The following CAST variants were observed in gnomAD, a reference collection of about 807,000 sequenced individuals.
CAST encodes the protein calpastatin.
In CAST, 76 loss-of-function variants were observed where a neutral mutation model predicts 119.6. The ratio of observed to expected loss-of-function variants is 0.64; its 90% CI spans 0.53 to 0.77. CAST has a LOEUF of 0.77. Among genes scored for constraint, CAST ranks in the 30% least tolerant of loss-of-function variants. The probability of loss-of-function intolerance (pLI) is 0.00; values close to 1 mark genes in which losing one functional copy is unlikely to be tolerated. For missense variants in CAST, 953 were observed against 946.5 expected (o/e 1.01, Z -0.09); for synonymous variants, 319 against 331.6 (o/e 0.96, Z 0.41).
At chr5:96,666,936 T>G (rs1339803391) in intron 1 of CAST, among the ~76,000 whole-genome samples, 1 of 152,136 alleles carries the variant, frequency 6.6e-6, no homozygotes, top group Non-Finnish European at 1.5e-5. Context: ...TTTTCCCCCT[T>G]GAGGTATTTT....
At chr5:96,434,151 T>A in the CAST span, 1 of 152,296 alleles carries the variant, frequency 6.6e-6, no homozygotes, top group Non-Finnish European at 1.5e-5. Context: ...AAATGCACAA[T>A]GCCTCTTTGT....
chr5:96,099,962 C>G, the CAST span, among the ~76,000 whole-genome samples: 1 of 152,120 alleles, frequency 6.6e-6, no homozygotes, highest in Non-Finnish European at 1.5e-5. Context: ...TGGTCCTGGC[C>G]TGTTTTGGGT....
upstream of CAST, among the ~76,000 whole-genome samples, chr5:96,528,932 T>A (rs1346760864): frequency 6.6e-6 from 1 of 152,176 alleles, no homozygotes; most frequent in East Asian, 1.9e-4. Context: ...AAGAAGTGAG[T>A]GTTGGGAATT....
chr5:96,414,015 T>C, the CAST span, among the ~76,000 whole-genome samples: 1 of 144,714 alleles, frequency 6.9e-6, no homozygotes, highest in Middle Eastern at 3.8e-3. Context: ...GGCGGGTTCC[T>C]GTAGTCCTAG....
At chr5:96,060,056 G>A in the CAST span, among the ~76,000 whole-genome samples, 1 of 152,128 alleles carries the variant, frequency 6.6e-6, no homozygotes, top group Non-Finnish European at 1.5e-5. Context: ...TGTGTCAGAT[G>A]TGGTATCTTT....
chr5:96,123,656 T>G, the CAST span, among the ~76,000 whole-genome samples: 1 of 152,192 alleles, frequency 6.6e-6, no homozygotes, highest in African/African-American at 2.4e-5. Context: ...GGCTTTTTAC[T>G]GGGTACAACT....
intron 31 of CAST, chr5:96,772,252 G>A (rs1207577032): frequency 1.3e-5 from 2 of 153,772 alleles, no homozygotes; most frequent in Non-Finnish European, 2.9e-5. Flanking sequence ...GAAGAAACTG[G>A]ACAGATTGAA....
At chr5:96,639,064 T>C (rs1048505723) in intron 1 of CAST, among the ~76,000 whole-genome samples, 2 of 152,250 alleles carry the variant, frequency 1.3e-5, no homozygotes, top group African/African-American at 4.8e-5. Context: ...TTTGGCCCTG[T>C]TCCTTGTCCT....
the CAST span, among the ~76,000 whole-genome samples, chr5:96,482,158 T>C: frequency 1.3e-5 from 2 of 152,088 alleles, no homozygotes; most frequent in Non-Finnish European, 2.9e-5. Context: ...GATTTTCTTA[T>C]CCATAGCACT....
At chr5:96,252,712 G>A in the CAST span, among the ~76,000 whole-genome samples, 1 of 152,204 alleles carries the variant, frequency 6.6e-6, no homozygotes, top group African/African-American at 2.4e-5. Context: ...AACAACATTA[G>A]GTGAAGTCTA....
At chr5:96,770,728 C>A in intron 30 of CAST, 126 bp downstream of exon 30, 2 of 621,560 alleles carry the variant, frequency 3.2e-6, no homozygotes, top group Admixed American at 2.6e-5. Context: ...TACTATCTAT[C>A]CCATAGCATC....
chr5:96,324,696 T>A, the CAST span, among the ~76,000 whole-genome samples: 3 of 152,190 alleles, frequency 2.0e-5, no homozygotes, highest in Admixed American at 6.5e-5. Context: ...TTAAACATTT[T>A]AAAAAATGGT....
intron 2 of CAST, among the ~76,000 whole-genome samples, chr5:96,689,033 T>C (rs920097892): frequency 6.6e-6 from 1 of 152,114 alleles, no homozygotes; most frequent in African/African-American, 2.4e-5. Context: ...CACACGTGTT[T>C]GAGTAGAAAA....
At chr5:96,058,373 T>A in the CAST span, among the ~76,000 whole-genome samples, 1 of 152,194 alleles carries the variant, frequency 6.6e-6, no homozygotes, top group Non-Finnish European at 1.5e-5. Flanking sequence ...GAATCTTTTG[T>A]GTTTGTGGCT....
chr5:96,727,788 T>C (rs116184461), intron 6 of CAST, among the ~76,000 whole-genome samples: 82 of 152,320 alleles, frequency 5.4e-4, no homozygotes, highest in African/African-American at 1.9e-3. Flanking sequence ...TCTAGTTTTT[T>C]GTTATATGTA....
the CAST span, among the ~76,000 whole-genome samples, chr5:96,198,222 C>T: frequency 2.0e-5 from 3 of 152,156 alleles, no homozygotes; most frequent in African/African-American, 7.2e-5. Context: ...GTCTCTATCC[C>T]CTCCATGCTC....
intron 3 of CAST, among the ~76,000 whole-genome samples, chr5:96,712,594 G>C (rs1756393356): frequency 6.6e-6 from 1 of 152,200 alleles, no homozygotes; most frequent in Non-Finnish European, 1.5e-5. Flanking sequence ...CTCCCAAAGT[G>C]CTGGGATTAT....
the CAST span, among the ~76,000 whole-genome samples, chr5:96,285,448 AATTT>A: frequency 6.6e-6 from 1 of 152,126 alleles, no homozygotes; most frequent in African/African-American, 2.4e-5. Flanking sequence ...GGCACTGGAG[AATTT>A]ATTTGATTCT....
chr5:96,180,874 G>A, the CAST span, among the ~76,000 whole-genome samples: 7 of 152,178 alleles, frequency 4.6e-5, no homozygotes, highest in African/African-American at 1.4e-4. Context: ...TGATCTGCTG[G>A]AAGGCTCAGC....
Sources: gnomAD v4.1 joint callset for allele counts (sites outside exome capture counted in the v4.1 genomes callset) on GRCh38, gnomAD v4.1.1 for gene constraint, MANE v1.5 for transcripts, NCBI Gene and HGNC (gene_info 2026-07-23, HGNC 2026-07-21) for gene names.